The following EPG5 variants were observed in gnomAD, a reference collection of about 807,000 sequenced individuals.
EPG5 encodes the protein ectopic P granules protein 5 homolog.
In EPG5, 159 loss-of-function variants were observed where a neutral mutation model predicts 302.7. That is an observed-to-expected ratio of 0.53 (90% CI 0.46 to 0.60). The LOEUF is 0.60. Ranked by LOEUF, EPG5 falls within the 20% of genes least tolerant of loss-of-function variation. EPG5 has a pLI of 0.00. For missense variants in EPG5, 2,896 were observed against 3,092.4 expected (o/e 0.94, Z 1.51); for synonymous variants, 1,158 against 1,136.8 (o/e 1.02, Z -0.37).
intron 27 of EPG5, among the ~76,000 whole-genome samples, chr18:45,898,898 G>A (rs768090107): frequency 5.3e-5 from 8 of 152,188 alleles, no homozygotes; most frequent in Admixed American, 2.0e-4. Flanking sequence ...AGGCCGAGGC[G>A]GGTGGATCAC....
At chr18:45,936,736 A>C (rs912661661) in intron 10 of EPG5, among the ~76,000 whole-genome samples, 42 of 151,434 alleles carry the variant, frequency 2.8e-4, no homozygotes, top group Admixed American at 2.1e-3. Flanking sequence ...AAAAAAAAAA[A>C]AAAGGAAATC....
At chr18:45,934,750 T>A (rs1023608699) in intron 11 of EPG5, 59 bp downstream of exon 11, 1 of 1,536,460 alleles carries the variant, frequency 6.5e-7, no homozygotes, top group Non-Finnish European at 8.7e-7. Flanking sequence ...AATTAAGCCC[T>A]GAAGAGAAGC....
At chr18:45,852,751 C>A (rs552255540) in intron 43 of EPG5, 102 bp from the exon 44 acceptor site, 13 of 1,055,608 alleles carry the variant, frequency 1.2e-5, no homozygotes, top group Non-Finnish European at 1.8e-5. Flanking sequence ...CAACTGTGAG[C>A]CTTGTGGGAA....
At chr18:45,855,440 G>T in intron 43 of EPG5, 133 bp downstream of exon 43, 1 of 605,512 alleles carries the variant, frequency 1.7e-6, no homozygotes, top group Non-Finnish European at 2.9e-6. Flanking sequence ...CGTAAGTAGG[G>T]CACATGAAAG....
intron 35 of EPG5, among the ~76,000 whole-genome samples, chr18:45,872,089 A>G (rs1168809855): frequency 6.6e-6 from 1 of 152,216 alleles, no homozygotes; most frequent in East Asian, 1.9e-4. Flanking sequence ...TTAATTTTAG[A>G]AACGGTGGAA....
chr18:45,918,471 C>A (rs1009739767), intron 16 of EPG5, among the ~76,000 whole-genome samples: 1 of 152,186 alleles, frequency 6.6e-6, no homozygotes, highest in Non-Finnish European at 1.5e-5. Context: ...CCTGCATAAA[C>A]TGCAAAATTC....
chr18:45,911,074 T>TACACA (rs1491388083), intron 22 of EPG5, among the ~76,000 whole-genome samples: 3 of 126,784 alleles, frequency 2.4e-5, no homozygotes, highest in African/African-American at 9.2e-5. Flanking sequence ...TATCTATCTA[T>TACACA]CTATACACAC....
intron 16 of EPG5, among the ~76,000 whole-genome samples, chr18:45,921,998 G>A (rs1045444356): frequency 5.4e-5 from 8 of 148,222 alleles, no homozygotes; most frequent in African/African-American, 1.7e-4. Flanking sequence ...GTTGGGCTAC[G>A]ATCAATTTTT....
At chr18:45,852,914 T>C (rs1257881416) in intron 43 of EPG5, among the ~76,000 whole-genome samples, 1 of 152,234 alleles carries the variant, frequency 6.6e-6, no homozygotes, top group Non-Finnish European at 1.5e-5. Context: ...TTTCCCAACC[T>C]TGCCTTACCA....
At chr18:45,894,841 T>A (rs1325653453) in intron 27 of EPG5, among the ~76,000 whole-genome samples, 2 of 152,158 alleles carry the variant, frequency 1.3e-5, no homozygotes, top group Admixed American at 6.6e-5. Flanking sequence ...CAATAACAGA[T>A]TATGAAGGGC....
chr18:45,939,728 A>G lies in EPG5; in HGVS notation c.1971T>C (p.His657=), dbSNP rs1390637838. ...GGTTATGGCTCACATACTGTGCCCA[A>G]TGGTCACTTACATAACCAAGAGTCA... ...IRMTLGYVSD[H]WAQYVSHNQG... is the part of the protein sequence containing the mutation. Residue 657 remains histidine (H), a synonymous_variant, in exon 10 of 44, where the codon CAT becomes CAC. Transcript: ENST00000282041. 1.1e-5 allele frequency: 18 copies of G among 1,613,932 alleles called. No individual in the cohort carries two copies. The highest frequency in any genetic ancestry group is 4.0e-5 in the African/African-American group (3 of 75,052).
intron 23 of EPG5, 43 bp from the exon 24 acceptor site, chr18:45,908,124 G>T: frequency 7.0e-7 from 1 of 1,433,614 alleles, no homozygotes. Flanking sequence ...AAAAAGATGA[G>T]CATACAAACA....
chr18:45,872,214 A>G (rs2048885853), intron 35 of EPG5, among the ~76,000 whole-genome samples: 1 of 152,216 alleles, frequency 6.6e-6, no homozygotes, highest in South Asian at 2.1e-4. Flanking sequence ...GACCTGGATT[A>G]TTACTCAATA....
chr18:45,863,892 T>C (rs1228881028), intron 39 of EPG5, among the ~76,000 whole-genome samples: 2 of 152,194 alleles, frequency 1.3e-5, no homozygotes, highest in African/African-American at 4.8e-5. Flanking sequence ...CAGGTTTGAA[T>C]TTCTTTCCAT....
rs1568163827 is a variant in EPG5 at position 45,928,964 on chromosome 18, C to T, written c.2458G>A (p.Gly820Ser). 6.2e-7 allele frequency: 1 copy of T among 1,613,928 alleles called. No individual in the cohort carries two copies. Among genetic ancestry groups the T allele is most frequent in the Admixed American group, 1.7e-5 (1 of 59,998 alleles). ...LSTRETFSKV[G>S]RELLGTITAV... Reference sequence around the variant, plus strand: ...GTGATAGTCCCTAAAAGCTCTCGACCAACCTTTGAAAAAGTCTCTCTGGTA... The same window carrying T: ...GTGATAGTCCCTAAAAGCTCTCGACTAACCTTTGAAAAAGTCTCTCTGGTA... The change falls in exon 13 of 44, where the codon GGT (glycine) becomes AGT (serine). Residue 820 changes from glycine (G) to serine (S), a missense_variant. This residue lies in a region of EPG5 where 1,390 missense variants were observed against 1,430.0 expected (regional missense o/e 0.97). Coordinates refer to ENST00000282041, the MANE Select transcript of EPG5 (RefSeq NM_020964.3).
At chr18:45,966,569 C>T (rs8083766) in intron 1 of EPG5, among the ~76,000 whole-genome samples, 17,202 of 151,242 alleles carry the variant, frequency 0.11, 1,287 homozygotes, top group African/African-American at 0.21. Context: ...ATACAGGAAA[C>T]TCAGAAAATT....
At chr18:45,854,419 G>A (rs1323224112) in intron 43 of EPG5, among the ~76,000 whole-genome samples, 1 of 152,220 alleles carries the variant, frequency 6.6e-6, no homozygotes, top group Non-Finnish European at 1.5e-5. Flanking sequence ...TACAGAGACA[G>A]CCCTGCAGAG....
chr18:45,953,792 C>T lies in EPG5; in HGVS notation c.1008+602G>A, dbSNP rs1030857294. ...TCATCCTGGAGCTAGGAATCAGTTACTACCTTCAGATTCCTCATCCCCACT... is the reference window on the plus strand; with the variant it reads ...TCATCCTGGAGCTAGGAATCAGTTATTACCTTCAGATTCCTCATCCCCACT... On this transcript the variant is annotated intron_variant, in intron 2 of 43. Transcript: ENST00000282041. 40 of 985,212 alleles carry T rather than the reference C, an allele frequency of 4.1e-5. No individual in the cohort carries two copies. In the African/African-American group the frequency reaches 5.4e-4, roughly 13 times the overall value. 61.0% of individuals were successfully genotyped at this position (985,212 alleles called of 1,614,324 possible).
chr18:45,815,245 G>A, the EPG5 span, among the ~76,000 whole-genome samples: 1 of 152,194 alleles, frequency 6.6e-6, no homozygotes, highest in Admixed American at 6.5e-5. Flanking sequence ...GTAAGTCTTA[G>A]TAATTGCTCA....
Sources: allele counts gnomAD v4.1 joint callset (sites outside exome capture counted in the v4.1 genomes callset), GRCh38; gene constraint gnomAD v4.1.1; regional missense constraint gnomAD v4.1.1; transcripts MANE v1.5; gene names NCBI Gene and HGNC (gene_info 2026-07-23, HGNC 2026-07-21).